Variants in CDH18 observed in about 807,000 individuals in gnomAD.
The protein encoded by CDH18 is cadherin-18.
CDH18 carries 31 observed loss-of-function variants against 67.9 expected under a neutral mutation model. The observed-to-expected ratio is 0.46, with a 90% CI of 0.34 to 0.62. CDH18 has a LOEUF of 0.62. Among genes scored for constraint, CDH18 ranks in the 20% least tolerant of loss-of-function variants. The pLI, the probability that CDH18 is intolerant of heterozygous loss-of-function variation, is 0.01. For missense variants in CDH18, 890 were observed against 975.5 expected (o/e 0.91, Z 1.17); for synonymous variants, 362 against 347.2 (o/e 1.04, Z -0.48).
At chr5:19,765,089 T>A (rs1354829962) in intron 3 of CDH18, among the ~76,000 whole-genome samples, 1 of 152,236 alleles carries the variant, frequency 6.6e-6, no homozygotes, top group Non-Finnish European at 1.5e-5. Flanking sequence ...TCTATACCTT[T>A]ATTCAGCCAT....
chr5:20,196,646 C>T (rs910944850), intron 2 of CDH18, among the ~76,000 whole-genome samples: 3 of 152,106 alleles, frequency 2.0e-5, no homozygotes, highest in Admixed American at 6.6e-5. Flanking sequence ...ATATATCATA[C>T]CACATATGAA....
At chr5:19,721,916 G>A (rs2150580720) in intron 4 of CDH18, among the ~76,000 whole-genome samples, 2 of 152,298 alleles carry the variant, frequency 1.3e-5, no homozygotes, top group Middle Eastern at 6.8e-3. Context: ...GAAGGTGGGT[G>A]AGTTGATATT....
intron 1 of CDH18, among the ~76,000 whole-genome samples, chr5:20,428,429 G>C (rs1409631305): frequency 2.0e-5 from 3 of 152,146 alleles, no homozygotes; most frequent in Non-Finnish European, 4.4e-5. Context: ...CTTTATAGTA[G>C]AATGATTTAT....
chr5:20,028,878 G>A (rs1739145488), intron 2 of CDH18, among the ~76,000 whole-genome samples: 1 of 152,056 alleles, frequency 6.6e-6, no homozygotes, highest in East Asian at 1.9e-4. Flanking sequence ...GTAGGTAAGG[G>A]GGCACTACTG....
At chr5:20,147,448 A>C (rs1413511699) in intron 2 of CDH18, among the ~76,000 whole-genome samples, 1 of 152,150 alleles carries the variant, frequency 6.6e-6, no homozygotes, top group Non-Finnish European at 1.5e-5. Context: ...ATTAAAAAAT[A>C]AGAAAACATA....
intron 2 of CDH18, among the ~76,000 whole-genome samples, chr5:19,869,602 C>T (rs2133078): frequency 6.6e-6 from 1 of 151,806 alleles, no homozygotes; most frequent in Non-Finnish European, 1.5e-5. Context: ...AAAAAACTTC[C>T]AATGTCACTT....
intron 1 of CDH18, among the ~76,000 whole-genome samples, chr5:20,325,134 A>G (rs1178288746): frequency 6.6e-6 from 1 of 152,234 alleles, no homozygotes; most frequent in Non-Finnish European, 1.5e-5. Context: ...GTTGGCAATG[A>G]TCAGACATTG....
At chr5:20,424,437 T>A (rs1422439001) in intron 1 of CDH18, among the ~76,000 whole-genome samples, 2 of 150,494 alleles carry the variant, frequency 1.3e-5, no homozygotes, top group Non-Finnish European at 2.9e-5. Flanking sequence ...AGAACAATAT[T>A]ATAAATTCTG....
At chr5:20,141,742 T>C (rs1056846012) in intron 2 of CDH18, among the ~76,000 whole-genome samples, 1 of 152,140 alleles carries the variant, frequency 6.6e-6, no homozygotes, top group East Asian at 1.9e-4. Flanking sequence ...AGAGTTATTA[T>C]AGTAAAAATA....
At chr5:20,305,746 G>T (rs541946507) in intron 1 of CDH18, 149 of 330,732 alleles carry the variant, frequency 4.5e-4, no homozygotes, top group African/African-American at 3.1e-3. Context: ...GAACCGCGCC[G>T]AACACGCTTT....
At chr5:20,509,710 T>G (rs189708454) in intron 1 of CDH18, among the ~76,000 whole-genome samples, 1 of 71,578 alleles carries the variant, frequency 1.4e-5, no homozygotes, top group Non-Finnish European at 3.2e-5. Flanking sequence ...TGAGCCATCA[T>G]GCCCAGCCGA....
At chr5:20,181,937 G>A (rs574684189) in intron 2 of CDH18, among the ~76,000 whole-genome samples, 8 of 152,048 alleles carry the variant, frequency 5.3e-5, no homozygotes, top group African/African-American at 1.7e-4. Context: ...TTCTTTCCTC[G>A]CTCTGTCTCA....
chr5:19,856,763 G>A (rs189229450), intron 2 of CDH18, among the ~76,000 whole-genome samples: 92 of 151,868 alleles, frequency 6.1e-4, no homozygotes, highest in Admixed American at 2.4e-3. Context: ...AAACTTCTTC[G>A]GGACCTTGAT....
chr5:20,043,163 A>C (rs1176507841), intron 2 of CDH18, among the ~76,000 whole-genome samples: 3 of 152,086 alleles, frequency 2.0e-5, no homozygotes, highest in Non-Finnish European at 4.4e-5. Context: ...GTCAATCAGT[A>C]ATGTCATGAC....
intron 2 of CDH18, among the ~76,000 whole-genome samples, chr5:20,053,601 T>C (rs1741639059): frequency 2.0e-5 from 3 of 152,192 alleles, no homozygotes; most frequent in South Asian, 4.1e-4. Flanking sequence ...ATGAATCTTA[T>C]CAGTCCTTCC....
At chr5:20,028,721 C>T (rs1019109967) in intron 2 of CDH18, among the ~76,000 whole-genome samples, 11 of 152,258 alleles carry the variant, frequency 7.2e-5, no homozygotes, top group Admixed American at 2.0e-4. Context: ...GATTCACATT[C>T]AGAGTGGAAT....
At chr5:20,345,600 T>G (rs577340694) in intron 1 of CDH18, among the ~76,000 whole-genome samples, 1 of 152,270 alleles carries the variant, frequency 6.6e-6, no homozygotes, top group South Asian at 2.1e-4. Flanking sequence ...GGCTTTTTTA[T>G]ATTAGTTTTT....
At chr5:19,963,185 T>C (rs1797087675) in intron 2 of CDH18, among the ~76,000 whole-genome samples, 1 of 152,152 alleles carries the variant, frequency 6.6e-6, no homozygotes, top group Non-Finnish European at 1.5e-5. Context: ...CATACCGTCA[T>C]AATTTTACAG....
chr5:19,494,253 A>C (rs985077924), intron 11 of CDH18, among the ~76,000 whole-genome samples: 2 of 152,156 alleles, frequency 1.3e-5, no homozygotes, highest in Admixed American at 6.5e-5. Flanking sequence ...AGTTATCTTC[A>C]ATGTGCCTAT....
Sources: gnomAD v4.1 joint callset for allele counts (sites outside exome capture counted in the v4.1 genomes callset) on GRCh38, gnomAD v4.1.1 for gene constraint, MANE v1.5 for transcripts, NCBI Gene and HGNC (gene_info 2026-07-23, HGNC 2026-07-21) for gene names.